Variants in ZNF407 observed in about 807,000 individuals in gnomAD.
ZNF407 encodes zinc finger protein 407.
In ZNF407, 17 loss-of-function variants were observed where a neutral mutation model predicts 131.2. That is an observed-to-expected ratio of 0.13 (90% CI 0.09 to 0.19). The LOEUF (loss-of-function observed/expected upper bound fraction) is 0.19, where lower values mean the gene tolerates loss of function less well. Among genes scored for constraint, ZNF407 ranks in the 10% least tolerant of loss-of-function variants. The pLI, the probability that ZNF407 is intolerant of heterozygous loss-of-function variation, is 1.00. For synonymous variants in ZNF407, 1,156 were observed against 1,062.0 expected, an observed-to-expected ratio of 1.09 and a Z score of -1.72; for missense variants, 2,681 against 2,830.6, an observed-to-expected ratio of 0.95 and a Z score of 1.20.
At chr18:74,821,807 A>G (rs1568230194) in intron 4 of ZNF407, among the ~76,000 whole-genome samples, 1 of 152,180 alleles carries the variant, frequency 6.6e-6, no homozygotes, top group Non-Finnish European at 1.5e-5. Context: ...TGCTGGGTCA[A>G]ATGGTATTTC....
chr18:74,702,140 A>G (rs6566094), intron 3 of ZNF407, among the ~76,000 whole-genome samples: 13,068 of 152,216 alleles, frequency 0.086, 778 homozygotes, highest in African/African-American at 0.17. Context: ...GCTGCTGATA[A>G]CTGCAGTTTG....
intron 1 of ZNF407, among the ~76,000 whole-genome samples, chr18:74,629,049 T>C (rs1445002159): frequency 6.6e-6 from 1 of 152,256 alleles, no homozygotes; most frequent in Non-Finnish European, 1.5e-5. Flanking sequence ...TATATGTTTT[T>C]GCTTCTCTTG....
At chr18:74,706,550 G>A (rs1448271336) in intron 3 of ZNF407, among the ~76,000 whole-genome samples, 1 of 152,120 alleles carries the variant, frequency 6.6e-6, no homozygotes, top group African/African-American at 2.4e-5. Context: ...TCAGGTGTGT[G>A]GTTCAGCTCT....
chr18:75,063,044 G>A lies in ZNF407; in HGVS notation c.5429-106G>A, dbSNP rs940721377. The A allele has an allele frequency of 1.0e-4, 108 of 1,043,326 alleles. No homozygotes were observed. In the South Asian group the frequency reaches 1.6e-3, roughly 16 times the overall value. 64.6% of individuals were successfully genotyped at this position (1,043,326 alleles called of 1,614,324 possible). A position where few individuals can be genotyped will look rare whatever the true frequency, so the allele number is the denominator to read the frequency against. On this transcript the variant is annotated intron_variant, in intron 8 of 8. Coordinates refer to ENST00000299687, the MANE Select transcript of ZNF407 (RefSeq NM_017757.3). The surrounding 1 kb of genome is among the most constrained non-coding windows in gnomAD (Gnocchi z 6.6). ...AGCTCTTCAGGGTTTGGAATAGGGG[G>A]TCGTGGTGACTCTGCTGAGGCCTGA...
intron 4 of ZNF407, among the ~76,000 whole-genome samples, chr18:74,820,379 T>C (rs148045570): frequency 1.3e-5 from 2 of 152,128 alleles, no homozygotes; most frequent in Admixed American, 6.5e-5. Flanking sequence ...CATGGTGGGG[T>C]CTGCATTCCA....
intron 8 of ZNF407, among the ~76,000 whole-genome samples, chr18:74,992,652 GA>G (rs1374237780): frequency 6.6e-6 from 1 of 152,228 alleles, no homozygotes; most frequent in African/African-American, 2.4e-5. Context: ...AAACTACAGT[GA>G]GGGGTCTCCC....
rs188762337 is a variant in ZNF407 at position 74,858,341 on chromosome 18, T to C, written c.4878-18856T>C. On this transcript the variant is annotated intron_variant, in intron 4 of 8. Coordinates refer to ENST00000299687, the MANE Select transcript of ZNF407 (RefSeq NM_017757.3). ...TTTTGTATTAACCTCCTCTTACTTA[T>C]TGTTTTCTATTTTGCTGTTGCAGTG... Among the ~76,000 whole-genome samples, 123 of 152,288 alleles carry C rather than the reference T, an allele frequency of 8.1e-4. 1 individual carries two copies. The highest frequency in any genetic ancestry group is 2.8e-3 in the African/African-American group (118 of 41,568).
intron 1 of ZNF407, among the ~76,000 whole-genome samples, chr18:74,624,675 G>C (rs971203694): frequency 2.0e-5 from 3 of 152,112 alleles, no homozygotes; most frequent in Non-Finnish European, 4.4e-5. Flanking sequence ...GGACCTGGTC[G>C]ACCAGCTGCC....
At chr18:74,711,621 TAATA>T (rs1001336368) in intron 3 of ZNF407, among the ~76,000 whole-genome samples, 28 of 152,358 alleles carry the variant, frequency 1.8e-4, no homozygotes, top group African/African-American at 6.3e-4. Context: ...GTCTGTAAGA[TAATA>T]AATATGTGTG....
At chr18:74,732,533 G>C (rs942653032) in intron 3 of ZNF407, among the ~76,000 whole-genome samples, 1 of 152,198 alleles carries the variant, frequency 6.6e-6, no homozygotes, top group African/African-American at 2.4e-5. Flanking sequence ...TAAAGGAAGG[G>C]CATGGATGCT....
chr18:74,751,668 C>T (rs1404058317), intron 3 of ZNF407, among the ~76,000 whole-genome samples: 1 of 152,116 alleles, frequency 6.6e-6, no homozygotes, highest in Admixed American at 6.5e-5. Flanking sequence ...TGATGGTTTC[C>T]AGCTTCATCC....
chr18:74,674,983 A>T (rs1986298054), intron 3 of ZNF407, among the ~76,000 whole-genome samples: 1 of 152,100 alleles, frequency 6.6e-6, no homozygotes, highest in African/African-American at 2.4e-5. Context: ...TTTATTGCTT[A>T]TTTGAAATGT....
chr18:74,831,987 A>G (rs1970491445), intron 4 of ZNF407, among the ~76,000 whole-genome samples: 1 of 152,010 alleles, frequency 6.6e-6, no homozygotes, highest in African/African-American at 2.4e-5. Context: ...CTGGACTAAC[A>G]CCTTACACTA....
intron 8 of ZNF407, among the ~76,000 whole-genome samples, chr18:74,952,203 ATAACT>A (rs1421977129): frequency 2.0e-5 from 3 of 152,198 alleles, no homozygotes; most frequent in Admixed American, 1.3e-4. Context: ...AAAGGACTAG[ATAACT>A]TAGCAGTGAA....
chr18:74,623,880 T>C (rs546739771), intron 1 of ZNF407, among the ~76,000 whole-genome samples: 1 of 152,098 alleles, frequency 6.6e-6, no homozygotes. Flanking sequence ...TTGGGTAAGA[T>C]GGATACTTGG....
intron 8 of ZNF407, among the ~76,000 whole-genome samples, chr18:74,928,690 A>T (rs977284904): frequency 6.6e-6 from 1 of 152,238 alleles, no homozygotes; most frequent in East Asian, 1.9e-4. Context: ...TGTTTTGTCA[A>T]TCTTAAGATC....
chr18:74,672,020 A>G (rs1004925647), intron 3 of ZNF407, among the ~76,000 whole-genome samples: 4 of 152,154 alleles, frequency 2.6e-5, no homozygotes, highest in African/African-American at 7.2e-5. Flanking sequence ...TGCAGTGAAC[A>G]TTTGTGGGCA....
At chr18:74,756,132 T>C (rs1297820090) in intron 3 of ZNF407, among the ~76,000 whole-genome samples, 2 of 151,678 alleles carry the variant, frequency 1.3e-5, no homozygotes, top group East Asian at 3.9e-4. Flanking sequence ...GACCTCATGA[T>C]GTGCTCACGT....
At chr18:74,822,578 T>C (rs1383580883) in intron 4 of ZNF407, among the ~76,000 whole-genome samples, 1 of 152,212 alleles carries the variant, frequency 6.6e-6, no homozygotes, top group Non-Finnish European at 1.5e-5. Flanking sequence ...TGGTTGTAGA[T>C]GTGTGGTGTT....
Sources: allele counts gnomAD v4.1 joint callset (sites outside exome capture counted in the v4.1 genomes callset), GRCh38; gene constraint gnomAD v4.1.1; non-coding constraint Gnocchi (gnomAD v3.1); transcripts MANE v1.5; gene names NCBI Gene and HGNC (gene_info 2026-07-23, HGNC 2026-07-21).